Variants in KHDRBS3 observed in about 807,000 individuals in gnomAD.
KHDRBS3 encodes KH RNA binding domain containing, signal transduction associated 3.
In KHDRBS3, 23 loss-of-function variants were observed where a neutral mutation model predicts 45.6. The ratio of observed to expected loss-of-function variants is 0.50; its 90% CI spans 0.36 to 0.72. The LOEUF is 0.72. Ranked by LOEUF, KHDRBS3 falls within the 30% of genes least tolerant of loss-of-function variation. KHDRBS3 has a pLI of 0.00. For missense variants in KHDRBS3, 352 were observed against 424.8 expected (o/e 0.83, Z 1.51); for synonymous variants, 162 against 156.5 (o/e 1.04, Z -0.26).
chr8:135,645,992 A>ATTTTTTTTTTTTTT (rs57082119), intron 8 of KHDRBS3, among the ~76,000 whole-genome samples: 1 of 100,686 alleles, frequency 9.9e-6, no homozygotes, highest in African/African-American at 4.1e-5. Context: ...TGCACCTTGG[A>ATTTTTTTTTTTTTT]TTTTTTTTTT....
intron 4 of KHDRBS3, among the ~76,000 whole-genome samples, chr8:135,550,498 G>C (rs1337984103): frequency 6.6e-6 from 1 of 152,060 alleles, no homozygotes; most frequent in Non-Finnish European, 1.5e-5. Flanking sequence ...TCCTCATTCA[G>C]TACCTTAGTA....
chr8:135,494,283 T>TTA (rs1563720427), intron 1 of KHDRBS3, among the ~76,000 whole-genome samples: 1 of 134,154 alleles, frequency 7.5e-6, no homozygotes, highest in African/African-American at 2.9e-5. Context: ...ATTTTTTTTT[T>TTA]TTTTTTTTTT....
intron 5 of KHDRBS3, 74 bp from the exon 6 acceptor site, chr8:135,581,804 G>A (rs1828221555): frequency 2.7e-6 from 3 of 1,130,170 alleles, no homozygotes; most frequent in South Asian, 5.1e-5. Flanking sequence ...TTGTTTCTGA[G>A]GTATAAATAT....
intron 7 of KHDRBS3, among the ~76,000 whole-genome samples, chr8:135,637,656 G>A (rs549313135): frequency 6.6e-5 from 10 of 151,974 alleles, no homozygotes; most frequent in Non-Finnish European, 1.0e-4. Flanking sequence ...TATTACAGGC[G>A]AGTTATTGAG....
At chr8:135,469,118 G>C (rs879596120) in intron 1 of KHDRBS3, among the ~76,000 whole-genome samples, 5 of 152,174 alleles carry the variant, frequency 3.3e-5, no homozygotes, top group Non-Finnish European at 5.9e-5. Context: ...CCAATCAATT[G>C]GGTGAAAAAT....
intron 6 of KHDRBS3, among the ~76,000 whole-genome samples, chr8:135,586,560 G>A (rs1828484387): frequency 6.6e-6 from 1 of 152,050 alleles, no homozygotes; most frequent in Non-Finnish European, 1.5e-5. Flanking sequence ...ATGATGTTCG[G>A]ATTAAAAAAA....
At chr8:135,622,154 GTCT>G (rs761114421) in intron 7 of KHDRBS3, among the ~76,000 whole-genome samples, 1 of 152,094 alleles carries the variant, frequency 6.6e-6, no homozygotes, top group African/African-American at 2.4e-5. Flanking sequence ...ATCAATGTCT[GTCT>G]TCTTTTTTCA....
chr8:135,570,739 C>A (rs1184144265), intron 5 of KHDRBS3, among the ~76,000 whole-genome samples: 1 of 152,140 alleles, frequency 6.6e-6, no homozygotes, highest in South Asian at 2.1e-4. Context: ...AGGCTTGTTA[C>A]CTGGCATGAG....
chr8:135,626,533 G>T (rs1175299238), intron 7 of KHDRBS3, among the ~76,000 whole-genome samples: 1 of 151,892 alleles, frequency 6.6e-6, no homozygotes, highest in Non-Finnish European at 1.5e-5. Context: ...GCCGGGCGCG[G>T]TGGCTCACGC....
chr8:135,510,193 G>A (rs1824207625), intron 1 of KHDRBS3, among the ~76,000 whole-genome samples: 1 of 151,814 alleles, frequency 6.6e-6, no homozygotes, highest in African/African-American at 2.4e-5. Flanking sequence ...GAACTCCTGG[G>A]ATCAAGTGAC....
chr8:135,548,636 C>T (rs903777351), intron 3 of KHDRBS3, 118 bp from the exon 4 acceptor site: 2 of 794,834 alleles, frequency 2.5e-6, no homozygotes, highest in Non-Finnish European at 1.8e-6. Flanking sequence ...ACTGTGACAA[C>T]CGCTTGCCAG....
At chr8:135,616,876 T>C (rs896325821) in intron 7 of KHDRBS3, among the ~76,000 whole-genome samples, 3 of 152,170 alleles carry the variant, frequency 2.0e-5, no homozygotes, top group Non-Finnish European at 2.9e-5. Context: ...TTTTAAATAA[T>C]TTTTTCTACA....
chr8:135,650,558 A>T (rs958459645), downstream of KHDRBS3, among the ~76,000 whole-genome samples: 5 of 152,216 alleles, frequency 3.3e-5, no homozygotes, highest in African/African-American at 1.2e-4. Context: ...CAGGAGGTGA[A>T]TTTCACACTT....
chr8:135,503,059 G>C (rs964732522), intron 1 of KHDRBS3, among the ~76,000 whole-genome samples: 26 of 152,186 alleles, frequency 1.7e-4, no homozygotes, highest in African/African-American at 5.1e-4. Context: ...ATCATAGAAA[G>C]TTATCTTGGA....
At chr8:135,495,754 A>G (rs1307322446) in intron 1 of KHDRBS3, among the ~76,000 whole-genome samples, 3 of 152,144 alleles carry the variant, frequency 2.0e-5, no homozygotes, top group African/African-American at 7.2e-5. Context: ...TGCCAGGTCT[A>G]TGGGCCATCA....
intron 1 of KHDRBS3, among the ~76,000 whole-genome samples, chr8:135,476,151 T>G (rs1673928431): frequency 6.6e-6 from 1 of 151,430 alleles, no homozygotes; most frequent in Non-Finnish European, 1.5e-5. Flanking sequence ...TCCCACTTTT[T>G]TGTTTTTTTT....
Position 135,654,553 on chromosome 8 carries a change from TG to T in KHDRBS3, c.*118-1672del, listed in dbSNP as rs1431951497. ...CTGGCATGTGGCAGGCTGGTTACCC[TG>T]TGTGATTTAGCGAAGAGATGCAGGG... On this transcript the variant is annotated intron_variant and NMD_transcript_variant, in intron 4 of 4. Coordinates refer to the KHDRBS3 transcript ENST00000521461. Among the ~76,000 whole-genome samples, 3 of 152,278 alleles carry T rather than the reference TG, an allele frequency of 2.0e-5. No individual in the cohort carries two copies. The East Asian group carries it at 5.8e-4, about 29-fold the overall frequency.
intron 7 of KHDRBS3, among the ~76,000 whole-genome samples, chr8:135,613,971 A>G (rs1432086225): frequency 1.3e-5 from 2 of 151,450 alleles, no homozygotes; most frequent in Non-Finnish European, 1.5e-5. Flanking sequence ...CCAATTTTCA[A>G]ATACCTTGCA....
chr8:135,629,066 A>C (rs2131128145), intron 7 of KHDRBS3, among the ~76,000 whole-genome samples: 1 of 152,340 alleles, frequency 6.6e-6, no homozygotes, highest in Admixed American at 6.5e-5. Flanking sequence ...AAGTACCAGT[A>C]AGTTCCTGCA....
Sources: allele counts gnomAD v4.1 joint callset (sites outside exome capture counted in the v4.1 genomes callset), GRCh38; gene constraint gnomAD v4.1.1; transcripts MANE v1.5; gene names NCBI Gene and HGNC (gene_info 2026-07-23, HGNC 2026-07-21).